Variants in TIMP2 observed in about 807,000 individuals in gnomAD.
TIMP2 encodes metalloproteinase inhibitor 2.
TIMP2 carries 5 observed loss-of-function variants against 24.3 expected under a neutral mutation model. The observed-to-expected ratio is 0.21, with a 90% confidence interval of 0.11 to 0.43. The LOEUF (loss-of-function observed/expected upper bound fraction) is 0.43, where lower values mean the gene tolerates loss of function less well. Among genes scored for constraint, TIMP2 ranks in the 20% least tolerant of loss-of-function variants. TIMP2 has a pLI of 1.00. For synonymous variants in TIMP2, 130 were observed against 123.2 expected, an observed-to-expected ratio of 1.06 and a Z score of -0.37; for missense variants, 221 against 297.5, an observed-to-expected ratio of 0.74 and a Z score of 1.89.
chr17:78,857,318 A>C (rs751881100), intron 4 of TIMP2: 107 of 643,756 alleles, frequency 1.7e-4, no homozygotes, highest in Non-Finnish European at 2.4e-4. Context: ...GATGTGCCTC[A>C]GGGCTCTCCA....
chr17:78,897,090 A>C, intron 1 of TIMP2: 2 of 717,958 alleles, frequency 2.8e-6, no homozygotes, highest in Non-Finnish European at 3.3e-6. Context: ...GGGCCCACAG[A>C]CAGCACCCCC....
chr17:78,900,681 A>G (rs569248690), intron 1 of TIMP2, among the ~76,000 whole-genome samples: 17 of 152,350 alleles, frequency 1.1e-4, no homozygotes, highest in African/African-American at 4.1e-4. Flanking sequence ...GGATACAGAT[A>G]ACCCTTGGGG....
Position 78,854,946 on chromosome 17 carries a change from G to C in TIMP2, c.*721C>G, listed in dbSNP as rs1282461420. The C allele has an allele frequency of 1.8e-5, 1 of 56,424 alleles. No homozygotes were observed. The highest frequency in any genetic ancestry group is 7.8e-4 in the South Asian group (1 of 1,280). 3.5% of individuals were successfully genotyped at this position (56,424 alleles called of 1,614,324 possible). A position where few individuals can be genotyped will look rare whatever the true frequency, so the allele number is the denominator to read the frequency against. On this transcript the variant is annotated 3_prime_UTR_variant, in exon 5 of 5. Transcript: ENST00000262768. ...CGGGGGGGGGGGGGTGGGGGGGTGG[G>C]TGCAGACCAAAAAGACTCAGCTGAG...
At chr17:78,888,775 G>A (rs1599157775) in intron 1 of TIMP2, among the ~76,000 whole-genome samples, 2 of 152,192 alleles carry the variant, frequency 1.3e-5, no homozygotes, top group East Asian at 3.8e-4. Context: ...GCAGGGGGAT[G>A]GAAAAGGGAG....
chr17:78,872,245 C>A (rs1029772124), intron 2 of TIMP2, among the ~76,000 whole-genome samples: 2 of 151,894 alleles, frequency 1.3e-5, no homozygotes, highest in African/African-American at 4.8e-5. Flanking sequence ...CCTGCCTCGG[C>A]CTCCCAAAGT....
intron 3 of TIMP2, among the ~76,000 whole-genome samples, chr17:78,860,431 C>T (rs755824334): frequency 1.3e-5 from 2 of 152,142 alleles, no homozygotes; most frequent in Admixed American, 6.5e-5. Context: ...CACAGCCCAG[C>T]GAAGGACTAA....
chr17:78,884,593 C>A (rs1003318624), intron 1 of TIMP2, among the ~76,000 whole-genome samples: 11 of 152,146 alleles, frequency 7.2e-5, no homozygotes, highest in Non-Finnish European at 1.5e-5. Context: ...CACAGCTTCC[C>A]AAACAAGCCC....
In TIMP2 at chr17:78,873,857, G is replaced by C. The variant is rs373951222; in HGVS notation, c.193C>G (p.Pro65Ala). 6 of 1,613,148 alleles carry C rather than the reference G, an allele frequency of 3.7e-6. No homozygotes were observed. Among genetic ancestry groups the C allele is most frequent in the African/African-American group, 1.3e-5 (1 of 74,818 alleles). The change falls in exon 2 of 5, where the codon CCT (proline) becomes GCT (alanine). Residue 65 changes from proline (P) to alanine (A), a missense_variant. Transcript: ENST00000262768. ...ATCTCATACTGGATCCTCTTGATAGGGTTGCCATAAATGTCGTTTCCAGAG... is the reference window on the plus strand; with the variant it reads ...ATCTCATACTGGATCCTCTTGATAGCGTTGCCATAAATGTCGTTTCCAGAG... ...VDSGNDIYGN[P>A]IKRIQYEIKQ...
intron 1 of TIMP2, chr17:78,892,320 C>T: frequency 3.2e-6 from 5 of 1,550,654 alleles, no homozygotes; most frequent in Non-Finnish European, 3.5e-6. Flanking sequence ...AGCCACATGG[C>T]TCCATCCATG....
chr17:78,912,557 A>G lies in TIMP2; in HGVS notation c.130+12402T>C, dbSNP rs559532792. Among the ~76,000 whole-genome samples, 3 of 152,336 alleles carry G rather than the reference A, an allele frequency of 2.0e-5. No individual in the cohort carries two copies. In the East Asian group the frequency reaches 5.8e-4, roughly 29 times the overall value. On this transcript the variant is annotated intron_variant, in intron 1 of 4. Coordinates refer to ENST00000262768, the MANE Select transcript of TIMP2 (RefSeq NM_003255.5). ...GCTCTAGCCCACCCGTGCGATGAAG[A>G]GCACAGAAGAGGCGGGTGAAGGCAT...
intron 3 of TIMP2, among the ~76,000 whole-genome samples, chr17:78,870,346 G>A (rs1213155441): frequency 4.0e-5 from 6 of 151,422 alleles, no homozygotes; most frequent in Non-Finnish European, 7.4e-5. Context: ...AACCCAGGAG[G>A]TGGAGGTTGC....
Position 78,886,944 on chromosome 17 carries a change from A to G in TIMP2, c.131-13025T>C, listed in dbSNP as rs117871724. Among the ~76,000 whole-genome samples the G allele has an allele frequency of 2.1e-3, 317 of 152,238 alleles. 6 individuals are homozygous for G. In the East Asian group the frequency reaches 0.052, roughly 25 times the overall value. On this transcript the variant is annotated intron_variant, in intron 1 of 4. Transcript: ENST00000262768. ...ACTATGTTGCCCAGGCTGGTCTCAT[A>G]TTCCTGGGCTCAAGCCATCCACCTG...
Position 78,875,323 on chromosome 17 carries a change from A to G in TIMP2, c.131-1404T>C, listed in dbSNP as rs371621633. Among the ~76,000 whole-genome samples the G allele has an allele frequency of 1.1e-4, 16 of 152,270 alleles. 3 individuals are homozygous for G. The highest frequency in any genetic ancestry group is 3.9e-4 in the East Asian group (2 of 5,182). On this transcript the variant is annotated intron_variant, in intron 1 of 4. Coordinates refer to ENST00000262768, the MANE Select transcript of TIMP2 (RefSeq NM_003255.5). ...GGAAGGACAAACAGAAGGAAAGAGG[A>G]TCCCAACTAAGCCCCAACCAAACAG...
intron 1 of TIMP2, chr17:78,898,612 C>T (rs1203507999): frequency 6.6e-6 from 1 of 152,268 alleles, no homozygotes; most frequent in African/African-American, 2.4e-5. Context: ...TCTTTCTGCT[C>T]AAGTACTTGA....
chr17:78,891,417 G>T lies in TIMP2; in HGVS notation c.131-17498C>A. The T allele has an allele frequency of 6.4e-7, 1 of 1,550,778 alleles. No individual in the cohort carries two copies. Among genetic ancestry groups the T allele is most frequent in the East Asian group, 2.4e-5 (1 of 40,924 alleles). Reference sequence around the variant, plus strand: ...TGGTCCATCCTGGGCTTCAGTGCCAGGTACAAGCACAGGTGTTTTTTCAGC... The same window carrying T: ...TGGTCCATCCTGGGCTTCAGTGCCATGTACAAGCACAGGTGTTTTTTCAGC... On this transcript the variant is annotated intron_variant, in intron 1 of 4. Transcript: ENST00000262768. The surrounding 1 kb of genome is among the most constrained non-coding windows in gnomAD (Gnocchi z 4.5).
chr17:78,890,203 CTTTT>C (rs879844069), intron 1 of TIMP2, among the ~76,000 whole-genome samples: 3 of 134,290 alleles, frequency 2.2e-5, no homozygotes, highest in East Asian at 2.1e-4. Context: ...TGACAGATTG[CTTTT>C]TTTTTTTTTT....
intron 1 of TIMP2, chr17:78,901,138 G>A (rs2070085723): frequency 6.5e-6 from 1 of 152,794 alleles, no homozygotes; most frequent in African/African-American, 2.4e-5. Flanking sequence ...CTTCCGGGAG[G>A]GCTCAGGAAA....
intron 3 of TIMP2, among the ~76,000 whole-genome samples, chr17:78,862,734 C>G (rs906302449): frequency 1.3e-5 from 2 of 152,204 alleles, no homozygotes; most frequent in Admixed American, 1.3e-4. Flanking sequence ...CCTTGTATTC[C>G]CCAGTGTCTC....
intron 1 of TIMP2, among the ~76,000 whole-genome samples, chr17:78,911,577 G>A (rs1411791808): frequency 6.6e-6 from 1 of 151,902 alleles, no homozygotes; most frequent in Non-Finnish European, 1.5e-5. Flanking sequence ...ACAGGTACCC[G>A]CCACCATGCC....
Sources: allele counts gnomAD v4.1 joint callset (sites outside exome capture counted in the v4.1 genomes callset), GRCh38; gene constraint gnomAD v4.1.1; non-coding constraint Gnocchi (gnomAD v3.1); transcripts MANE v1.5; gene names NCBI Gene and HGNC (gene_info 2026-07-23, HGNC 2026-07-21).